FBXL7: variants seen among roughly 807,000 people sequenced by gnomAD.
The protein encoded by FBXL7 is F-box/LRR-repeat protein 7.
Under a neutral mutation model 38.3 loss-of-function variants are expected in FBXL7, and 12 were observed. The ratio of observed to expected loss-of-function variants is 0.31; its 90% CI spans 0.20 to 0.51. FBXL7 has a LOEUF of 0.51. FBXL7 is among the 20% of genes least tolerant of loss of function. FBXL7 has a pLI of 0.98. For missense variants in FBXL7, 567 were observed against 676.4 expected (o/e 0.84, Z 1.79); for synonymous variants, 297 against 300.9 (o/e 0.99, Z 0.13).
intron 2 of FBXL7, among the ~76,000 whole-genome samples, chr5:15,826,865 C>T (rs1441335560): frequency 3.3e-5 from 5 of 151,406 alleles, no homozygotes; most frequent in South Asian, 2.1e-4. Context: ...TGCTCCTTCT[C>T]GTAGTCTCCT....
chr5:15,668,256 T>C (rs1407653780), intron 2 of FBXL7, among the ~76,000 whole-genome samples: 1 of 152,190 alleles, frequency 6.6e-6, no homozygotes, highest in Non-Finnish European at 1.5e-5. Context: ...TATCTTTGCA[T>C]TGTTAACTGA....
chr5:15,804,515 C>T (rs1737654641), intron 2 of FBXL7, among the ~76,000 whole-genome samples: 1 of 152,102 alleles, frequency 6.6e-6, no homozygotes, highest in African/African-American at 2.4e-5. Flanking sequence ...TTACAGTTGA[C>T]CATTATATTA....
At chr5:15,668,689 C>T (rs1024558751) in intron 2 of FBXL7, among the ~76,000 whole-genome samples, 2 of 152,092 alleles carry the variant, frequency 1.3e-5, no homozygotes, top group African/African-American at 4.8e-5. Context: ...TTTGCCCTGG[C>T]CTGCTAACCT....
intron 2 of FBXL7, among the ~76,000 whole-genome samples, chr5:15,891,907 A>T (rs1740919522): frequency 6.6e-6 from 1 of 152,180 alleles, no homozygotes; most frequent in Non-Finnish European, 1.5e-5. Context: ...AGCCAAGAGG[A>T]AAAGTCTGCT....
chr5:15,500,557 A>G lies in FBXL7; in HGVS notation c.-120A>G, dbSNP rs1316422427. The G allele has an allele frequency of 4.2e-6, 6 of 1,415,054 alleles. No individual in the cohort carries two copies. Among genetic ancestry groups the G allele is most frequent in the Admixed American group, 1.7e-5 (1 of 59,608 alleles). The allele number at this position is 1,415,054 out of a possible 1,614,324, so 87.7% of individuals were successfully genotyped here. ...TCTCCAGGCCGGAGGTCGGCCCCGG[A>G]GCTTGGGGGGGATGTGCAGCTAACG... is the stretch of plus-strand genomic sequence containing the variant. On this transcript the variant is annotated 5_prime_UTR_variant, in exon 1 of 4. Transcript: ENST00000504595.
intron 1 of FBXL7, among the ~76,000 whole-genome samples, chr5:15,565,818 C>T (rs1738556503): frequency 6.6e-6 from 1 of 152,080 alleles, no homozygotes; most frequent in Non-Finnish European, 1.5e-5. Flanking sequence ...ACAGGAAGCT[C>T]AGTCTTTTTC....
intron 2 of FBXL7, among the ~76,000 whole-genome samples, chr5:15,800,844 C>G (rs1737545033): frequency 6.6e-6 from 1 of 152,158 alleles, no homozygotes; most frequent in African/African-American, 2.4e-5. Flanking sequence ...TCAGACAGAC[C>G]TTACTAGAAG....
intron 2 of FBXL7, among the ~76,000 whole-genome samples, chr5:15,913,739 G>A (rs1375030513): frequency 3.3e-5 from 5 of 152,142 alleles, no homozygotes; most frequent in Admixed American, 1.3e-4. Flanking sequence ...TGAAAATTAC[G>A]GATTGCAAGC....
chr5:15,848,191 T>C (rs1738973551), intron 2 of FBXL7, among the ~76,000 whole-genome samples: 1 of 151,968 alleles, frequency 6.6e-6, no homozygotes, highest in South Asian at 2.1e-4. Flanking sequence ...TATGTACAAT[T>C]ATGTTCTTTG....
At chr5:15,634,688 ATCTG>A (rs1326780898) in intron 2 of FBXL7, among the ~76,000 whole-genome samples, 1 of 152,134 alleles carries the variant, frequency 6.6e-6, no homozygotes, top group Non-Finnish European at 1.5e-5. Flanking sequence ...TACATCACAA[ATCTG>A]TCTGACAGTT....
chr5:15,748,654 A>G (rs1579430645), intron 2 of FBXL7, among the ~76,000 whole-genome samples: 1 of 152,136 alleles, frequency 6.6e-6, no homozygotes, highest in Non-Finnish European at 1.5e-5. Context: ...AGTCTCGAAT[A>G]TGTCTTTATT....
chr5:15,625,363 T>C (rs1417658711), intron 2 of FBXL7, among the ~76,000 whole-genome samples: 1 of 152,102 alleles, frequency 6.6e-6, no homozygotes, highest in Non-Finnish European at 1.5e-5. Flanking sequence ...TAAAAAAAAC[T>C]GAGCCACAGG....
At chr5:15,753,894 T>A (rs1476796463) in intron 2 of FBXL7, among the ~76,000 whole-genome samples, 1 of 152,226 alleles carries the variant, frequency 6.6e-6, no homozygotes, top group African/African-American at 2.4e-5. Flanking sequence ...AGTCCTGGAC[T>A]GGTCATCAGA....
intron 2 of FBXL7, among the ~76,000 whole-genome samples, chr5:15,658,782 A>G (rs958031834): frequency 5.9e-5 from 9 of 152,126 alleles, no homozygotes; most frequent in African/African-American, 2.2e-4. Flanking sequence ...TTTCCATACA[A>G]TGTCTGAAAT....
chr5:15,780,069 A>T (rs1736953428), intron 2 of FBXL7, among the ~76,000 whole-genome samples: 1 of 152,150 alleles, frequency 6.6e-6, no homozygotes, highest in Admixed American at 6.6e-5. Flanking sequence ...CTCCTTTGAA[A>T]CATGGAGGGG....
chr5:15,611,352 T>A (rs1378569168), intron 1 of FBXL7, among the ~76,000 whole-genome samples: 2 of 151,424 alleles, frequency 1.3e-5, no homozygotes, highest in East Asian at 3.9e-4. Flanking sequence ...TTTCTTGCTG[T>A]TTTCATTAAG....
chr5:15,763,869 A>T (rs1293082766), intron 2 of FBXL7, among the ~76,000 whole-genome samples: 1 of 152,232 alleles, frequency 6.6e-6, no homozygotes, highest in East Asian at 1.9e-4. Context: ...GGCTAGTCCC[A>T]CAATATGCTA....
intron 2 of FBXL7, among the ~76,000 whole-genome samples, chr5:15,741,836 A>G (rs995535886): frequency 2.6e-5 from 4 of 152,176 alleles, no homozygotes; most frequent in Admixed American, 2.6e-4. Context: ...CCAGCAGCCC[A>G]TAGAATTAGC....
chr5:15,802,774 C>T (rs1737605042), intron 2 of FBXL7, among the ~76,000 whole-genome samples: 1 of 152,046 alleles, frequency 6.6e-6, no homozygotes. Context: ...CTGGCTCAGC[C>T]TCCCAAGTAG....
Sources: gnomAD v4.1 joint callset for allele counts (sites outside exome capture counted in the v4.1 genomes callset) on GRCh38, gnomAD v4.1.1 for gene constraint, MANE v1.5 for transcripts, NCBI Gene and HGNC (gene_info 2026-07-23, HGNC 2026-07-21) for gene names.